DPYD: variants seen among roughly 807,000 people sequenced by gnomAD.
DPYD encodes the protein dihydropyrimidine dehydrogenase, also known as dihydropyrimidine dehydrogenase [NADP(+)].
In DPYD, 109 loss-of-function variants were observed where a neutral mutation model predicts 116.2. The ratio of observed to expected loss-of-function variants is 0.94; its 90% CI spans 0.80 to 1.10. DPYD has a LOEUF of 1.10. DPYD is among the 50% of genes least tolerant of loss of function. The probability of loss-of-function intolerance (pLI) is 0.00; values close to 1 mark genes in which losing one functional copy is unlikely to be tolerated. For missense variants in DPYD, 1,302 were observed against 1,254.5 expected (o/e 1.04, Z -0.57); for synonymous variants, 440 against 432.0 (o/e 1.02, Z -0.23).
intron 20 of DPYD, among the ~76,000 whole-genome samples, chr1:97,130,319 G>A (rs1000433658): frequency 9.9e-5 from 15 of 152,036 alleles, no homozygotes; most frequent in African/African-American, 3.6e-4. Flanking sequence ...TCAGAGATGT[G>A]GTTCTAGAAC....
intron 13 of DPYD, among the ~76,000 whole-genome samples, chr1:97,508,507 T>C (rs1310978829): frequency 6.6e-6 from 1 of 151,950 alleles, no homozygotes; most frequent in Non-Finnish European, 1.5e-5. Context: ...CATAGAAATA[T>C]AAAATTTCTG....
At chr1:97,255,272 C>G (rs1347361022) in intron 18 of DPYD, among the ~76,000 whole-genome samples, 2 of 152,122 alleles carry the variant, frequency 1.3e-5, no homozygotes, top group African/African-American at 4.8e-5. Context: ...ATATGACAAG[C>G]TCTAGTGTAA....
At chr1:97,687,918 T>A (rs935623374) in intron 7 of DPYD, among the ~76,000 whole-genome samples, 4 of 152,112 alleles carry the variant, frequency 2.6e-5, no homozygotes, top group African/African-American at 9.7e-5. Flanking sequence ...AAGTGGAAGC[T>A]GAACAATGAG....
chr1:97,588,813 T>C (rs1654316538), intron 10 of DPYD, among the ~76,000 whole-genome samples: 1 of 152,218 alleles, frequency 6.6e-6, no homozygotes, highest in Non-Finnish European at 1.5e-5. Flanking sequence ...ATTACATCAA[T>C]ATGCTGATGA....
intron 18 of DPYD, among the ~76,000 whole-genome samples, chr1:97,285,000 G>C (rs1227700349): frequency 6.6e-6 from 1 of 152,078 alleles, no homozygotes; most frequent in Non-Finnish European, 1.5e-5. Context: ...CCCTTTTCAG[G>C]ACTAGAGACA....
At chr1:97,283,945 C>A (rs566745298) in intron 18 of DPYD, among the ~76,000 whole-genome samples, 2 of 152,084 alleles carry the variant, frequency 1.3e-5, no homozygotes, top group Non-Finnish European at 2.9e-5. Flanking sequence ...TAAAATGATT[C>A]TTTGTGAAAG....
chr1:97,315,103 C>G (rs1180282429), intron 16 of DPYD, among the ~76,000 whole-genome samples: 1 of 151,916 alleles, frequency 6.6e-6, no homozygotes, highest in Non-Finnish European at 1.5e-5. Context: ...GCTAAAGTAA[C>G]TAAGTTCTGA....
intron 20 of DPYD, among the ~76,000 whole-genome samples, chr1:97,174,550 C>G (rs779719280): frequency 2.0e-5 from 3 of 152,108 alleles, no homozygotes; most frequent in Admixed American, 1.3e-4. Context: ...AAGCTGGTTT[C>G]CAGCCAAGAT....
intron 10 of DPYD, among the ~76,000 whole-genome samples, chr1:97,585,473 A>T (rs1414367241): frequency 6.6e-6 from 1 of 152,150 alleles, no homozygotes; most frequent in Non-Finnish European, 1.5e-5. Context: ...CATTCCAAGG[A>T]TCTGTATATG....
intron 20 of DPYD, among the ~76,000 whole-genome samples, chr1:97,134,365 G>A (rs1039050500): frequency 2.6e-5 from 4 of 151,900 alleles, no homozygotes; most frequent in Non-Finnish European, 4.4e-5. Flanking sequence ...TTCTCACATC[G>A]TATGTATGAG....
chr1:97,546,079 T>C (rs1173117079), intron 12 of DPYD: 8 of 1,389,922 alleles, frequency 5.8e-6, no homozygotes, highest in African/African-American at 1.4e-5. Flanking sequence ...GTAGGATCCT[T>C]AGTTACAGTG....
At chr1:97,337,214 C>CA (rs2101198837) in intron 16 of DPYD, among the ~76,000 whole-genome samples, 1 of 152,198 alleles carries the variant, frequency 6.6e-6, no homozygotes, top group South Asian at 2.1e-4. Context: ...AAAAGCTGAA[C>CA]AGAGAGTAAG....
At chr1:97,214,397 A>G (rs878904536) in intron 19 of DPYD, among the ~76,000 whole-genome samples, 1 of 152,218 alleles carries the variant, frequency 6.6e-6, no homozygotes, top group Non-Finnish European at 1.5e-5. Flanking sequence ...GATAGATTCT[A>G]TCTAGTTTTA....
chr1:97,186,141 A>G lies in DPYD; in HGVS notation c.2622+6928T>C, dbSNP rs74903235. 4.9e-3 allele frequency among the ~76,000 whole-genome samples: 754 copies of G among 152,334 alleles called. 4 individuals carry two copies. The highest frequency in any genetic ancestry group is 0.024 in the East Asian group (125 of 5,176). On this transcript the variant is annotated intron_variant, in intron 20 of 22. Transcript: ENST00000370192. ...GACACTGCTTTATTCTCTGTGTTGA[A>G]TAACTTTCCAGAAAGGAAAAAAATA...
At chr1:97,147,645 C>T (rs1296144607) in intron 20 of DPYD, among the ~76,000 whole-genome samples, 1 of 152,092 alleles carries the variant, frequency 6.6e-6, no homozygotes, top group African/African-American at 2.4e-5. Flanking sequence ...TAAGACTATC[C>T]AAAATGCTCC....
chr1:97,785,848 A>G (rs1168515745), intron 3 of DPYD, among the ~76,000 whole-genome samples: 1 of 151,200 alleles, frequency 6.6e-6, no homozygotes, highest in African/African-American at 2.4e-5. Flanking sequence ...GCTGGCCACC[A>G]CGCCCAGCTA....
chr1:97,548,143 G>A (rs1394787474), intron 12 of DPYD, among the ~76,000 whole-genome samples: 1 of 151,934 alleles, frequency 6.6e-6, no homozygotes, highest in East Asian at 1.9e-4. Context: ...AAACAAGAGT[G>A]GTAAAAAGGC....
intron 18 of DPYD, among the ~76,000 whole-genome samples, chr1:97,275,333 T>A (rs1664866927): frequency 6.6e-6 from 1 of 152,190 alleles, no homozygotes; most frequent in Admixed American, 6.5e-5. Context: ...CCCATGGAGC[T>A]CCTACAGATC....
At chr1:97,161,057 T>A (rs1655858264) in intron 20 of DPYD, among the ~76,000 whole-genome samples, 1 of 152,154 alleles carries the variant, frequency 6.6e-6, no homozygotes, top group South Asian at 2.1e-4. Context: ...TCTAACTCCA[T>A]CCTGCACACA....
Sources: gnomAD v4.1 joint callset for allele counts (sites outside exome capture counted in the v4.1 genomes callset) on GRCh38, gnomAD v4.1.1 for gene constraint, MANE v1.5 for transcripts, NCBI Gene and HGNC (gene_info 2026-07-23, HGNC 2026-07-21) for gene names.